Variants in AKAP7 observed in about 807,000 individuals in gnomAD.
The protein encoded by AKAP7 is A kinase (PRKA) anchor protein 7.
AKAP7 carries 39 observed loss-of-function variants against 39.5 expected under a neutral mutation model. The observed-to-expected ratio is 0.99, with a 90% confidence interval of 0.76 to 1.29. The LOEUF (loss-of-function observed/expected upper bound fraction) is 1.29, where lower values mean the gene tolerates loss of function less well. Among genes scored for constraint, AKAP7 ranks in the 50% most tolerant of loss-of-function variants. The probability of loss-of-function intolerance (pLI) is 0.00; values close to 1 mark genes in which losing one functional copy is unlikely to be tolerated. For missense variants in AKAP7, 414 were observed against 407.7 expected (o/e 1.02, Z -0.13); for synonymous variants, 140 against 139.1 (o/e 1.01, Z -0.05).
Position 131,135,800 on chromosome 6 carries a change from A to G in AKAP7, c.19+18A>G, listed in dbSNP as rs1403921159. 8.1e-7 allele frequency: 1 copy of G among 1,227,238 alleles called. No homozygotes were observed. Among genetic ancestry groups the G allele is most frequent in the East Asian group, 3.2e-5 (1 of 31,414 alleles). 76.0% of individuals were successfully genotyped at this position (1,227,238 alleles called of 1,614,324 possible). ...CGAAGCGGGTGAGACCGGGCTGTCC[A>G]GCGGGCCGGGGCGGGGGCGACAGGA... On this transcript the variant is annotated intron_variant, in intron 1 of 7. Coordinates refer to ENST00000431975, the MANE Select transcript of AKAP7 (RefSeq NM_016377.4).
At chr6:131,252,934 G>A (rs1007260954) in intron 7 of AKAP7, 189 of 1,096,338 alleles carry the variant, frequency 1.7e-4, no homozygotes, top group Non-Finnish European at 7.8e-5. Flanking sequence ...TGTAACAGGC[G>A]GTGGCCCTAG....
intron 7 of AKAP7, among the ~76,000 whole-genome samples, chr6:131,277,471 G>T (rs547386453): frequency 6.6e-6 from 1 of 152,318 alleles, no homozygotes; most frequent in South Asian, 2.1e-4. Context: ...GTTTGTGTGT[G>T]TTGCGCCAGC....
At chr6:131,250,877 C>T (rs568114115) in intron 7 of AKAP7, among the ~76,000 whole-genome samples, 3 of 152,122 alleles carry the variant, frequency 2.0e-5, no homozygotes, top group Non-Finnish European at 4.4e-5. Flanking sequence ...GGTATTCTCC[C>T]AGCTCATTTT....
chr6:131,135,712 C>T lies in AKAP7; in HGVS notation c.-52C>T. ...TCGCCTCCAGCCCCGGGACGCGGCC[C>T]GCCACCGCCGCTGCCGCCAGCCCAG... On this transcript the variant is annotated 5_prime_UTR_variant, in exon 1 of 8. Transcript: ENST00000431975. The T allele has an allele frequency of 8.4e-7, 1 of 1,189,566 alleles. No individual in the cohort carries two copies. The highest frequency in any genetic ancestry group is 1.0e-6 in the Non-Finnish European group (1 of 962,932). The allele number at this position is 1,189,566 out of a possible 1,614,324, so 73.7% of individuals were successfully genotyped here.
At chr6:131,144,823 A>G (rs1157306868) in intron 1 of AKAP7, among the ~76,000 whole-genome samples, 1 of 152,234 alleles carries the variant, frequency 6.6e-6, no homozygotes, top group African/African-American at 2.4e-5. Context: ...TGTTAAATAT[A>G]ATGATGGAGA....
At chr6:131,170,869 C>G (rs1803979343) in intron 5 of AKAP7, among the ~76,000 whole-genome samples, 1 of 152,292 alleles carries the variant, frequency 6.6e-6, no homozygotes, top group South Asian at 2.1e-4. Flanking sequence ...ATTATCCATT[C>G]AGATGTATCA....
At chr6:131,205,791 A>G (rs1055232496) in intron 6 of AKAP7, among the ~76,000 whole-genome samples, 9 of 152,224 alleles carry the variant, frequency 5.9e-5, no homozygotes, top group African/African-American at 2.2e-4. Context: ...GCATAATAAA[A>G]CATCAAAAGG....
In AKAP7 at chr6:131,281,660, G is replaced by A. The variant is rs148317914; in HGVS notation, c.981G>A (p.Glu327=). ...CACAGAATAAAAACAAGCCGGGGGA[G>A]GGGAGCTCTGTGAAAACCGAAGCAG... ...EETQNKNKPG[E]GSSVKTEAAD... is the part of the protein sequence containing the mutation. The change falls in exon 8 of 8, where the codon GAG becomes GAA. Residue 327 remains glutamate, a synonymous_variant. Transcript: ENST00000431975. This position sits in a 1 kb window ranked among gnomAD's most constrained non-coding sequence, Gnocchi z 4.0. 8.7e-6 allele frequency: 14 copies of A among 1,613,382 alleles called. No homozygotes were observed. Among genetic ancestry groups the A allele is most frequent in the African/African-American group, 2.7e-5 (2 of 74,880 alleles).
At chr6:131,268,868 A>G (rs1415106677) in intron 7 of AKAP7, among the ~76,000 whole-genome samples, 1 of 152,236 alleles carries the variant, frequency 6.6e-6, no homozygotes, top group Admixed American at 6.5e-5. Flanking sequence ...AATAATATTT[A>G]GATTCTAAGG....
At chr6:131,156,237 T>C (rs934394844) in intron 2 of AKAP7, among the ~76,000 whole-genome samples, 5 of 152,304 alleles carry the variant, frequency 3.3e-5, no homozygotes, top group South Asian at 4.1e-4. Context: ...CAATGAAATA[T>C]AAGGGGATGG....
intron 5 of AKAP7, among the ~76,000 whole-genome samples, chr6:131,187,990 T>G (rs2128267356): frequency 6.6e-6 from 1 of 152,336 alleles, no homozygotes; most frequent in Middle Eastern, 3.4e-3. Context: ...GAGCACAAAC[T>G]AAATAATGGG....
At chr6:131,149,766 TTTACAAGGGA>T (rs1355134335) in intron 2 of AKAP7, among the ~76,000 whole-genome samples, 6 of 152,208 alleles carry the variant, frequency 3.9e-5, no homozygotes, top group Non-Finnish European at 8.8e-5. Context: ...GTCTTTGCTG[TTTACAAGGGA>T]AATGTTGTGG....
chr6:131,177,416 C>T (rs549513075), intron 5 of AKAP7, among the ~76,000 whole-genome samples: 10 of 152,086 alleles, frequency 6.6e-5, no homozygotes, highest in African/African-American at 2.2e-4. Context: ...GATCACTTGC[C>T]GATAGAGGAA....
intron 5 of AKAP7, among the ~76,000 whole-genome samples, chr6:131,188,999 T>G (rs941610826): frequency 1.3e-5 from 2 of 152,216 alleles, no homozygotes; most frequent in Admixed American, 6.5e-5. Flanking sequence ...CCTGAAAATA[T>G]AGCTTAGTCT....
intron 5 of AKAP7, among the ~76,000 whole-genome samples, chr6:131,198,888 G>C (rs1209491521): frequency 6.6e-6 from 1 of 151,992 alleles, no homozygotes; most frequent in African/African-American, 2.4e-5. Flanking sequence ...AATTTTCTTG[G>C]TACAAGTCTT....
intron 7 of AKAP7, among the ~76,000 whole-genome samples, chr6:131,275,021 C>CAATT (rs1814624966): frequency 6.6e-6 from 1 of 152,134 alleles, no homozygotes; most frequent in African/African-American, 2.4e-5. Flanking sequence ...ATCATCATTG[C>CAATT]AATTAACTAG....
chr6:131,219,882 T>C (rs1309230163), intron 7 of AKAP7, 74 bp downstream of exon 7: 9 of 1,060,486 alleles, frequency 8.5e-6, no homozygotes. Flanking sequence ...TTGGCAAATA[T>C]TTAAACTTAG....
chr6:131,168,470 AAAG>A (rs1029453488), intron 4 of AKAP7, among the ~76,000 whole-genome samples: 17 of 152,066 alleles, frequency 1.1e-4, no homozygotes, highest in African/African-American at 2.2e-4. Flanking sequence ...GAGAGGGAGA[AAAG>A]AAGAAGGAAG....
In AKAP7 at chr6:131,156,739, T is replaced by C. The variant is rs759069713; in HGVS notation, c.152-3320T>C. On this transcript the variant is annotated intron_variant, in intron 2 of 7. Transcript: ENST00000431975. ...AAGTGGTCTAGATGAGTAAAAACAATGGAGAGTTTATAAATCATCTGTTTC... is the reference window on the plus strand; with the variant it reads ...AAGTGGTCTAGATGAGTAAAAACAACGGAGAGTTTATAAATCATCTGTTTC... 1.1e-3 allele frequency among the ~76,000 whole-genome samples: 168 copies of C among 151,410 alleles called. 1 individual carries two copies. Among genetic ancestry groups the C allele is most frequent in the Non-Finnish European group, 1.9e-3 (131 of 67,866 alleles).
Sources: allele counts gnomAD v4.1 joint callset (sites outside exome capture counted in the v4.1 genomes callset), GRCh38; gene constraint gnomAD v4.1.1; non-coding constraint Gnocchi (gnomAD v3.1); transcripts MANE v1.5; gene names NCBI Gene and HGNC (gene_info 2026-07-23, HGNC 2026-07-21).